Variants in CXADR observed in about 807,000 individuals in gnomAD.
CXADR encodes coxsackievirus and adenovirus receptor.
A neutral mutation model predicts 40.3 loss-of-function variants in CXADR; 20 were observed. That is an observed-to-expected ratio of 0.50 (90% CI 0.35 to 0.72). The LOEUF (loss-of-function observed/expected upper bound fraction) is 0.72. Among genes scored for constraint, CXADR ranks in the 30% least tolerant of loss-of-function variants. The pLI, the probability that CXADR is intolerant of heterozygous loss-of-function variation, is 0.01. For synonymous variants in CXADR, 150 were observed against 161.3 expected, an observed-to-expected ratio of 0.93 and a Z score of 0.53; for missense variants, 332 against 449.1, an observed-to-expected ratio of 0.74 and a Z score of 2.36.
intron 1 of CXADR, among the ~76,000 whole-genome samples, chr21:17,516,380 A>C (rs1479262489): frequency 6.6e-6 from 1 of 152,222 alleles, no homozygotes; most frequent in Non-Finnish European, 1.5e-5. Flanking sequence ...TGTGTCAAAT[A>C]CTGAAGGCTT....
At position 17,568,607 on chromosome 21, in the gene CXADR, T is replaced by C. The variant is rs1601038324; in HGVS notation, c.*2915T>C. The stretch of plus-strand genomic sequence containing the variant: ...AGGGTTTCACTATTGCTCAGGCTGG[T>C]CTCAAACTGCTGGGCTCAGGAGATC... On this transcript the variant is annotated 3_prime_UTR_variant, in exon 7 of 7. Coordinates refer to ENST00000284878, the MANE Select transcript of CXADR (RefSeq NM_001338.5). 2.0e-6 allele frequency: 2 copies of C among 979,972 alleles called. No homozygotes were observed. The highest frequency in any genetic ancestry group is 4.7e-5 in the South Asian group (1 of 21,122). 60.7% of individuals were successfully genotyped at this position (979,972 alleles called of 1,614,324 possible). A position where few individuals can be genotyped will look rare whatever the true frequency, so the allele number is the denominator to read the frequency against.
chr21:17,633,144 C>T, the CXADR span: 1 of 152,138 alleles, frequency 6.6e-6, no homozygotes, highest in Admixed American at 6.5e-5. Context: ...GTTTTCTTCC[C>T]CCAGGCACAG....
downstream of CXADR, chr21:17,594,413 A>C (rs1371370164): frequency 9.4e-7 from 1 of 1,062,188 alleles, no homozygotes; most frequent in Admixed American, 2.3e-5. Context: ...AAAGACAAAC[A>C]AAGTTACCCA....
At chr21:17,591,806 CAAACTT>C (rs1008047087) in intron 7 of CXADR, among the ~76,000 whole-genome samples, 2 of 151,694 alleles carry the variant, frequency 1.3e-5, no homozygotes, top group East Asian at 1.9e-4. Context: ...CTAAGGGAGA[CAAACTT>C]AAGAGAACAA....
chr21:17,604,069 ACT>A, the CXADR span: 43 of 1,184,814 alleles, frequency 3.6e-5, no homozygotes, highest in Non-Finnish European at 4.6e-5. Flanking sequence ...ATCTTTCACA[ACT>A]CTATTCATTA....
chr21:17,535,558 G>A (rs1463927037), intron 1 of CXADR, among the ~76,000 whole-genome samples: 1 of 152,138 alleles, frequency 6.6e-6, no homozygotes, highest in Admixed American at 6.5e-5. Context: ...CATTCAGAAT[G>A]TGTTCTCCCT....
rs926757900 is a variant in CXADR at position 17,567,986 on chromosome 21, C to T, written c.*2294C>T. 4.1e-6 allele frequency: 4 copies of T among 984,750 alleles called. No individual in the cohort carries two copies. Among genetic ancestry groups the T allele is most frequent in the South Asian group, 4.7e-5 (1 of 21,282 alleles). 61.0% of individuals were successfully genotyped at this position (984,750 alleles called of 1,614,324 possible). On this transcript the variant is annotated 3_prime_UTR_variant, in exon 7 of 7. Transcript: ENST00000284878. ...TTCTGTCAGCCAAATAGTACCAATA[C>T]GTTTTCAAGTAGTTCTCACTGATAA...
At chr21:17,542,250 G>C (rs2123224756) in intron 1 of CXADR, among the ~76,000 whole-genome samples, 1 of 152,270 alleles carries the variant, frequency 6.6e-6, no homozygotes, top group South Asian at 2.1e-4. Flanking sequence ...AGAAGGAAAA[G>C]ATCACTGAAG....
chr21:17,527,842 C>T (rs4818358), intron 1 of CXADR, among the ~76,000 whole-genome samples: 17,238 of 151,394 alleles, frequency 0.11, 1,204 homozygotes, highest in South Asian at 0.2. Context: ...GACGGAATCT[C>T]GCTCTGTCGC....
chr21:17,573,190 C>A (rs1569148097), downstream of CXADR, among the ~76,000 whole-genome samples: 1 of 151,608 alleles, frequency 6.6e-6, no homozygotes, highest in South Asian at 2.1e-4. Flanking sequence ...TGTACATTTC[C>A]ATTTTTTTAA....
the CXADR span, chr21:17,609,167 C>T: frequency 1.9e-6 from 3 of 1,596,208 alleles, no homozygotes; most frequent in Non-Finnish European, 2.6e-6. Context: ...AAAGATAAAA[C>T]ATGTTTTCTC....
chr21:17,617,300 A>ATTGTTG, the CXADR span, among the ~76,000 whole-genome samples: 5 of 151,514 alleles, frequency 3.3e-5, no homozygotes, highest in African/African-American at 1.2e-4. Flanking sequence ...AGGTGCCATT[A>ATTGTTG]TTGTTGTTGT....
At chr21:17,590,994 G>A (rs543811772) in intron 7 of CXADR, among the ~76,000 whole-genome samples, 1 of 152,072 alleles carries the variant, frequency 6.6e-6, no homozygotes, top group Non-Finnish European at 1.5e-5. Flanking sequence ...TTTATTAGTG[G>A]TTAATCAATA....
At chr21:17,593,088 A>T in intron 7 of CXADR, 1 of 1,268,948 alleles carries the variant, frequency 7.9e-7, no homozygotes, top group Non-Finnish European at 1.0e-6. Flanking sequence ...CTTAGTTTTT[A>T]AAAATTTACC....
the CXADR span, chr21:17,604,824 T>C: frequency 1.9e-6 from 3 of 1,594,654 alleles, no homozygotes; most frequent in Admixed American, 1.8e-5. Context: ...AGTTCCAGCA[T>C]GGTCATCAGT....
exon 8 of CXADR, chr21:17,593,257 G>GACTT: frequency 7.6e-7 from 1 of 1,317,442 alleles, no homozygotes; most frequent in African/African-American, 1.5e-5. Context: ...CTCTAGTAAA[G>GACTT]ACTTAAATGT....
chr21:17,528,188 C>T (rs183432823), intron 1 of CXADR, among the ~76,000 whole-genome samples: 2 of 151,222 alleles, frequency 1.3e-5, no homozygotes, highest in East Asian at 3.9e-4. Flanking sequence ...ATTCTCCTGC[C>T]TCACCCTCTC....
chr21:17,535,172 G>C (rs1339045672), intron 1 of CXADR, among the ~76,000 whole-genome samples: 1 of 152,152 alleles, frequency 6.6e-6, no homozygotes, highest in Non-Finnish European at 1.5e-5. Context: ...CTGTTGCCCA[G>C]GCTGGAGGGC....
intron 1 of CXADR, among the ~76,000 whole-genome samples, chr21:17,522,203 C>T (rs1262407220): frequency 6.6e-6 from 1 of 151,712 alleles, no homozygotes; most frequent in African/African-American, 2.4e-5. Flanking sequence ...GGCTAGAGTG[C>T]AATGGCGCGA....
Sources: allele counts gnomAD v4.1 joint callset (sites outside exome capture counted in the v4.1 genomes callset), GRCh38; gene constraint gnomAD v4.1.1; transcripts MANE v1.5; gene names NCBI Gene and HGNC (gene_info 2026-07-23, HGNC 2026-07-21).